ADIPOR2: variants seen among roughly 807,000 people sequenced by gnomAD.
ADIPOR2 encodes adiponectin receptor 2, also known as adiponectin receptor protein 2.
In ADIPOR2, 18 loss-of-function variants were observed where a neutral mutation model predicts 40.9. That is an observed-to-expected ratio of 0.44 (90% confidence interval 0.30 to 0.65). The LOEUF is 0.65. ADIPOR2 is among the 30% of genes least tolerant of loss of function. ADIPOR2 has a pLI of 0.09. For synonymous variants in ADIPOR2, 165 were observed against 166.4 expected, an observed-to-expected ratio of 0.99 and a Z score of 0.06; for missense variants, 283 against 479.2, an observed-to-expected ratio of 0.59 and a Z score of 3.82.
chr12:1,735,259 C>G (rs1248903653), intron 1 of ADIPOR2, among the ~76,000 whole-genome samples: 2 of 152,194 alleles, frequency 1.3e-5, no homozygotes, highest in Non-Finnish European at 2.9e-5. Context: ...TTTGTGTCCT[C>G]TTTTACTTCA....
At chr12:1,780,404 C>T (rs374098501) in intron 4 of ADIPOR2, 47 bp from the exon 5 acceptor site, 2 of 1,509,802 alleles carry the variant, frequency 1.3e-6, no homozygotes, top group Non-Finnish European at 1.8e-6. Flanking sequence ...AATACTGTCT[C>T]TTCTAAAGGG....
intron 1 of ADIPOR2, among the ~76,000 whole-genome samples, chr12:1,743,726 G>A (rs2094748761): frequency 6.6e-6 from 1 of 152,034 alleles, no homozygotes; most frequent in Admixed American, 6.5e-5. Context: ...ATTAATATGA[G>A]TTATCTTGAA....
At chr12:1,784,675 GGAACTGGATT>G (rs1465929591) in intron 7 of ADIPOR2, among the ~76,000 whole-genome samples, 2 of 152,264 alleles carry the variant, frequency 1.3e-5, no homozygotes, top group East Asian at 1.9e-4. Flanking sequence ...TGAAGAAGAG[GGAACTGGATT>G]GAACTGGATT....
intron 1 of ADIPOR2, among the ~76,000 whole-genome samples, chr12:1,737,062 T>G (rs1043681921): frequency 1.3e-5 from 2 of 152,250 alleles, no homozygotes; most frequent in East Asian, 1.9e-4. Context: ...CTGAGCAACC[T>G]GCACAAACTG....
rs1862877403 is a variant in ADIPOR2 at position 1,788,165 on chromosome 12, C to G, written c.*2093C>G. ...CCTCTGGGTGCAGTCACCCACACCC[C>G]AAAGCTGGAAGGATCTGGTTCAACA... is the stretch of plus-strand genomic sequence containing the variant. On this transcript the variant is annotated 3_prime_UTR_variant, in exon 8 of 8. Transcript: ENST00000357103. 6.5e-6 allele frequency: 1 copy of G among 152,770 alleles called. No homozygotes were observed. Among genetic ancestry groups the G allele is most frequent in the African/African-American group, 2.4e-5 (1 of 41,440 alleles). 9.5% of individuals were successfully genotyped at this position (152,770 alleles called of 1,614,324 possible). A position where few individuals can be genotyped will look rare whatever the true frequency, so the allele number is the denominator to read the frequency against.
At position 1,767,011 on chromosome 12, in the gene ADIPOR2, C is replaced by T. The variant is rs957109793; in HGVS notation, c.172-5831C>T. ...GAGGCCGGGTGTGGTGGCTCACGCC[C>T]GTAATCCCAGCACTTCGGGAAGCTG... On this transcript the variant is annotated intron_variant, in intron 2 of 7. Transcript: ENST00000357103. Among the ~76,000 whole-genome samples, 4 of 151,946 alleles carry T rather than the reference C, an allele frequency of 2.6e-5. No individual in the cohort carries two copies. In the South Asian group the frequency reaches 6.2e-4, roughly 24 times the overall value.
Position 1,693,823 on chromosome 12 carries a change from G to T in ADIPOR2, c.-87+2632G>T, listed in dbSNP as rs550038757. On this transcript the variant is annotated intron_variant, in intron 1 of 7. Transcript: ENST00000357103. ...GCTGGGATTACAGGTGTGAGCAACC[G>T]TGCCCAGCCCTGTAATCTGCTTTTT... is the stretch of plus-strand genomic sequence containing the variant. Among the ~76,000 whole-genome samples, 84 of 152,212 alleles carry T rather than the reference G, an allele frequency of 5.5e-4. 1 individual carries two copies. The highest frequency in any genetic ancestry group is 6.8e-3 in the Middle Eastern group (2 of 294).
chr12:1,754,025 A>T (rs1862059707), intron 1 of ADIPOR2, among the ~76,000 whole-genome samples: 1 of 152,198 alleles, frequency 6.6e-6, no homozygotes. Context: ...ATATACTTAC[A>T]TATTTTTATA....
intron 1 of ADIPOR2, among the ~76,000 whole-genome samples, chr12:1,695,322 C>T (rs2094636208): frequency 6.8e-6 from 1 of 146,804 alleles, no homozygotes; most frequent in Non-Finnish European, 1.5e-5. Flanking sequence ...TGACTCTGAC[C>T]AGTCTGGGCA....
chr12:1,714,887 A>T (rs2094684568), intron 1 of ADIPOR2, among the ~76,000 whole-genome samples: 4 of 152,228 alleles, frequency 2.6e-5, no homozygotes, highest in Non-Finnish European at 4.4e-5. Flanking sequence ...GGACATCTAT[A>T]TACCTATCAG....
intron 1 of ADIPOR2, among the ~76,000 whole-genome samples, chr12:1,753,314 T>C (rs1471961050): frequency 6.6e-6 from 1 of 152,242 alleles, no homozygotes; most frequent in Non-Finnish European, 1.5e-5. Flanking sequence ...TTACATATCA[T>C]GAGTTAAGAG....
At chr12:1,738,210 A>C (rs1027977632) in intron 1 of ADIPOR2, among the ~76,000 whole-genome samples, 13 of 29,552 alleles carry the variant, frequency 4.4e-4, no homozygotes, top group Non-Finnish European at 7.4e-4. Context: ...CTGTCTCTAC[A>C]AAAAAAAAAA....
intron 1 of ADIPOR2, among the ~76,000 whole-genome samples, chr12:1,694,667 C>A (rs1261773707): frequency 6.6e-6 from 1 of 151,788 alleles, no homozygotes; most frequent in Admixed American, 6.6e-5. Flanking sequence ...TAAAAAAATT[C>A]CTTCTCATGC....
At position 1,787,530 on chromosome 12, in the gene ADIPOR2, G is replaced by A. The variant is rs1053840365; in HGVS notation, c.*1458G>A. On this transcript the variant is annotated 3_prime_UTR_variant, in exon 8 of 8. Transcript: ENST00000357103. The stretch of plus-strand genomic sequence containing the variant: ...CTCATGTCACAGGCCTACCTGATAC[G>A]GTGTCAGAGAAAGTGGTGGGGAAAG... 2 of 152,200 alleles carry A rather than the reference G, an allele frequency of 1.3e-5. No homozygotes were observed. The highest frequency in any genetic ancestry group is 2.1e-4 in the South Asian group (1 of 4,826). 9.4% of individuals were successfully genotyped at this position (152,200 alleles called of 1,614,324 possible). A position where few individuals can be genotyped will look rare whatever the true frequency, so the allele number is the denominator to read the frequency against.
At chr12:1,729,430 T>A (rs146587899) in intron 1 of ADIPOR2, among the ~76,000 whole-genome samples, 213 of 151,714 alleles carry the variant, frequency 1.4e-3, no homozygotes, top group African/African-American at 4.9e-3. Flanking sequence ...ATATATCTTA[T>A]ATTATCATAA....
chr12:1,788,441 T>G lies in ADIPOR2; in HGVS notation c.*2369T>G, dbSNP rs1314250982. On this transcript the variant is annotated 3_prime_UTR_variant, in exon 8 of 8. Transcript: ENST00000357103. ...CTCTGTGCAGATTTTTAATTTTCTT[T>G]TTTGGCCCTAGGCTGGTTGGGACCT... 1 of 152,674 alleles carries G rather than the reference T, an allele frequency of 6.5e-6. No individual in the cohort carries two copies. The highest frequency in any genetic ancestry group is 1.5e-5 in the Non-Finnish European group (1 of 68,058). 9.5% of individuals were successfully genotyped at this position (152,674 alleles called of 1,614,324 possible). A position where few individuals can be genotyped will look rare whatever the true frequency, so the allele number is the denominator to read the frequency against.
intron 1 of ADIPOR2, among the ~76,000 whole-genome samples, chr12:1,744,263 C>T (rs953880951): frequency 6.6e-5 from 10 of 152,062 alleles, no homozygotes; most frequent in African/African-American, 2.2e-4. Flanking sequence ...CGCCACCACA[C>T]CTGGCTGATT....
chr12:1,716,080 G>A (rs1481784488), intron 1 of ADIPOR2, among the ~76,000 whole-genome samples: 2 of 152,148 alleles, frequency 1.3e-5, no homozygotes, highest in East Asian at 3.9e-4. Flanking sequence ...CACTCACCAC[G>A]AAGTTCTGCG....
intron 6 of ADIPOR2, among the ~76,000 whole-genome samples, chr12:1,781,655 G>T (rs887358628): frequency 2.0e-5 from 3 of 152,164 alleles, no homozygotes; most frequent in Non-Finnish European, 4.4e-5. Context: ...TGCCTTGGCT[G>T]AGTCTTCTTG....
Sources: gnomAD v4.1 joint callset for allele counts (sites outside exome capture counted in the v4.1 genomes callset) on GRCh38, gnomAD v4.1.1 for gene constraint, MANE v1.5 for transcripts, NCBI Gene and HGNC (gene_info 2026-07-23, HGNC 2026-07-21) for gene names.